The following POLD3 variants were observed in gnomAD, a reference collection of about 807,000 sequenced individuals.
POLD3 encodes the protein DNA polymerase delta 3, accessory subunit, also known as DNA polymerase delta subunit 3.
A neutral mutation model predicts 58.2 loss-of-function variants in POLD3; 19 were observed. The ratio of observed to expected loss-of-function variants is 0.33; its 90% confidence interval spans 0.23 to 0.48. The LOEUF (loss-of-function observed/expected upper bound fraction) is 0.48, where lower values mean the gene tolerates loss of function less well. Among genes scored for constraint, POLD3 ranks in the 20% least tolerant of loss-of-function variants. The probability of loss-of-function intolerance (pLI) is 0.99; values close to 1 mark genes in which losing one functional copy is unlikely to be tolerated. For synonymous variants in POLD3, 172 were observed against 193.5 expected (o/e 0.89, Z 0.92); for missense variants, 504 against 545.5 (o/e 0.92, Z 0.76).
Position 74,641,512 on chromosome 11 carries a change from A to G in POLD3, c.*746A>G. 1.0e-6 allele frequency: 1 copy of G among 985,448 alleles called. No individual in the cohort carries two copies. Among genetic ancestry groups the G allele is most frequent in the Non-Finnish European group, 1.2e-6 (1 of 829,942 alleles). The allele number at this position is 985,448 out of a possible 1,614,324, so 61.0% of individuals were successfully genotyped here. On this transcript the variant is annotated 3_prime_UTR_variant, in exon 12 of 12. Transcript: ENST00000263681. ...CCACCAGAAATTACCTCGAGTCAGC[A>G]TTGACGATATTGGAGGAGCTGCCGT...
intron 7 of POLD3, 86 bp downstream of exon 7, chr11:74,620,175 A>G (rs2032209719): frequency 2.9e-6 from 3 of 1,027,570 alleles, no homozygotes; most frequent in Non-Finnish European, 3.0e-6. Flanking sequence ...CACTTTGTCT[A>G]GTTTTTGCCA....
At chr11:74,603,545 A>G (rs1261792266) in intron 2 of POLD3, among the ~76,000 whole-genome samples, 1 of 152,062 alleles carries the variant, frequency 6.6e-6, no homozygotes, top group Non-Finnish European at 1.5e-5. Context: ...ATCCCAAGAA[A>G]CCCCTCAGAC....
chr11:74,628,769 A>G (rs2032503902), intron 8 of POLD3: 1 of 152,492 alleles, frequency 6.6e-6, no homozygotes, highest in African/African-American at 2.4e-5. Context: ...TTATTTGTCC[A>G]GTTAAATCTA....
In POLD3 at chr11:74,641,625, C is replaced by T. The variant is rs1591322521; in HGVS notation, c.*859C>T. 2.0e-6 allele frequency: 2 copies of T among 985,182 alleles called. No homozygotes were observed. The highest frequency in any genetic ancestry group is 1.7e-5 in the African/African-American group (1 of 57,200). 61.0% of individuals were successfully genotyped at this position (985,182 alleles called of 1,614,324 possible). A position where few individuals can be genotyped will look rare whatever the true frequency, so the allele number is the denominator to read the frequency against. On this transcript the variant is annotated 3_prime_UTR_variant, in exon 12 of 12. Transcript: ENST00000263681. ...CTCTCAATACCTAGAGAGTGAAACC[C>T]GTACAATGAGATAAAGACTAAAAAG...
chr11:74,615,063 G>T (rs1479254618), intron 5 of POLD3, among the ~76,000 whole-genome samples: 1 of 152,164 alleles, frequency 6.6e-6, no homozygotes, highest in Non-Finnish European at 1.5e-5. Context: ...AGTTATCAGA[G>T]AGAATGTATA....
Position 74,597,500 on chromosome 11 carries a change from G to A in POLD3, c.116+3384G>A, listed in dbSNP as rs565536205. Among the ~76,000 whole-genome samples the A allele has an allele frequency of 3.9e-5, 6 of 152,292 alleles. No individual in the cohort carries two copies. In the South Asian group the frequency reaches 1.0e-3, roughly 26 times the overall value. ...TTTTGAGACAGGGTTTCACCCTGTT[G>A]CCCAGATGGAAATGCAGTGGCGCAA... On this transcript the variant is annotated intron_variant, in intron 2 of 11. Coordinates refer to ENST00000263681, the MANE Select transcript of POLD3 (RefSeq NM_006591.3).
At chr11:74,667,379 CA>C (rs1011284629) in intron 4 of POLD3, among the ~76,000 whole-genome samples, 56 of 151,066 alleles carry the variant, frequency 3.7e-4, no homozygotes, top group Middle Eastern at 3.4e-3. Context: ...ACTAAAAATA[CA>C]AAAAAAAATT....
intron 4 of POLD3, among the ~76,000 whole-genome samples, chr11:74,668,429 G>A (rs2033298921): frequency 6.6e-6 from 1 of 152,174 alleles, no homozygotes; most frequent in African/African-American, 2.4e-5. Flanking sequence ...CCATTACATG[G>A]ATGAACCTTG....
At chr11:74,640,369 G>T (rs1477172115) in intron 11 of POLD3, among the ~76,000 whole-genome samples, 195 bp from the exon 12 acceptor site, 1 of 152,200 alleles carries the variant, frequency 6.6e-6, no homozygotes, top group East Asian at 1.9e-4. Context: ...AATAGAGACT[G>T]TGTGAGCTCA....
intron 4 of POLD3, among the ~76,000 whole-genome samples, chr11:74,658,044 G>A (rs2033159166): frequency 6.6e-6 from 1 of 152,064 alleles, no homozygotes; most frequent in Admixed American, 6.6e-5. Flanking sequence ...TTGTACTTGG[G>A]TATTTTTATT....
intron 5 of POLD3, among the ~76,000 whole-genome samples, chr11:74,618,077 C>T (rs1391977708): frequency 7.3e-6 from 1 of 136,786 alleles, no homozygotes; most frequent in East Asian, 2.1e-4. Context: ...ATATTTAAAG[C>T]TTAGTTTTGA....
At chr11:74,608,397 A>G (rs2031769464) in intron 3 of POLD3, among the ~76,000 whole-genome samples, 1 of 152,198 alleles carries the variant, frequency 6.6e-6, no homozygotes, top group Admixed American at 6.5e-5. Flanking sequence ...CTGGGATTAC[A>G]GGCATGAACC....
chr11:74,660,776 C>T (rs905708916), intron 4 of POLD3, among the ~76,000 whole-genome samples: 1 of 152,184 alleles, frequency 6.6e-6, no homozygotes, highest in African/African-American at 2.4e-5. Flanking sequence ...TTGTAAGTTT[C>T]CTGAGGCCTC....
intron 5 of POLD3, among the ~76,000 whole-genome samples, chr11:74,613,225 T>C (rs2031973255): frequency 6.6e-6 from 1 of 151,996 alleles, no homozygotes; most frequent in South Asian, 2.1e-4. Flanking sequence ...TAAATCTATT[T>C]CTCATGTATT....
intron 4 of POLD3, among the ~76,000 whole-genome samples, chr11:74,653,921 G>T (rs2033100011): frequency 6.6e-6 from 1 of 152,186 alleles, no homozygotes; most frequent in South Asian, 2.1e-4. Context: ...TTCTGGGGAG[G>T]CCTCAGGGAG....
intron 3 of POLD3, among the ~76,000 whole-genome samples, chr11:74,610,630 AC>A (rs1218709597): frequency 2.1e-5 from 3 of 144,592 alleles, no homozygotes; most frequent in Non-Finnish European, 3.0e-5. Context: ...TTTTGTACTT[AC>A]GTTTTTTTTT....
Position 74,594,117 on chromosome 11 carries a change from G to A in POLD3, c.116+1G>A. On this transcript the variant is annotated splice_donor_variant, in intron 2 of 11. Coordinates refer to ENST00000263681, the MANE Select transcript of POLD3 (RefSeq NM_006591.3). LOFTEE classifies it high-confidence loss of function. ...GGGTTCATGTTAACCAGGCCAAACA[G>A]TAAGTCCAATTTACTACCAATTTTA... is the stretch of plus-strand genomic sequence containing the variant. The A allele has an allele frequency of 6.4e-7, 1 of 1,574,388 alleles. No individual in the cohort carries two copies. Among genetic ancestry groups the A allele is most frequent in the Non-Finnish European group, 8.7e-7 (1 of 1,143,926 alleles).
At chr11:74,608,575 C>T (rs780656699) in intron 3 of POLD3, among the ~76,000 whole-genome samples, 2 of 152,176 alleles carry the variant, frequency 1.3e-5, no homozygotes, top group African/African-American at 4.8e-5. Flanking sequence ...AATAGGAACC[C>T]ATTGAATCAG....
intron 11 of POLD3, among the ~76,000 whole-genome samples, chr11:74,639,995 T>C (rs1338737224): frequency 6.6e-6 from 1 of 152,202 alleles, no homozygotes; most frequent in Admixed American, 6.5e-5. Flanking sequence ...GAGTAACTAA[T>C]CTTCAATTCT....
Sources: gnomAD v4.1 joint callset for allele counts (sites outside exome capture counted in the v4.1 genomes callset) on GRCh38, gnomAD v4.1.1 for gene constraint, MANE v1.5 for transcripts, NCBI Gene and HGNC (gene_info 2026-07-23, HGNC 2026-07-21) for gene names.